The following TENM2 variants were observed in gnomAD, a reference collection of about 807,000 sequenced individuals.
TENM2 encodes the protein teneurin transmembrane protein 2.
Under a neutral mutation model 245.2 loss-of-function variants are expected in TENM2, and 52 were observed. The ratio of observed to expected loss-of-function variants is 0.21; its 90% CI spans 0.17 to 0.27. The LOEUF is 0.27. TENM2 is among the 10% of genes least tolerant of loss of function. The probability of loss-of-function intolerance (pLI) is 1.00; values close to 1 mark genes in which losing one functional copy is unlikely to be tolerated. For missense variants in TENM2, 3,046 were observed against 3,666.8 expected (o/e 0.83, Z 4.37); for synonymous variants, 1,363 against 1,438.9 (o/e 0.95, Z 1.19).
At chr5:167,034,791 C>A in the TENM2 span, among the ~76,000 whole-genome samples, 1 of 151,964 alleles carries the variant, frequency 6.6e-6, no homozygotes, top group Non-Finnish European at 1.5e-5. Context: ...GGTGGGTTAC[C>A]CTACTTCACT....
chr5:167,994,537 T>C (rs960935194), intron 5 of TENM2, among the ~76,000 whole-genome samples: 8 of 152,224 alleles, frequency 5.3e-5, no homozygotes, highest in African/African-American at 1.9e-4. Context: ...CAGACCAATA[T>C]GAGCCAACAA....
chr5:167,010,584 G>A, the TENM2 span, among the ~76,000 whole-genome samples: 1 of 152,164 alleles, frequency 6.6e-6, no homozygotes, highest in Non-Finnish European at 1.5e-5. Flanking sequence ...ATCCTACTTG[G>A]AGAACTAATA....
chr5:167,630,318 C>A (rs906525214), intron 2 of TENM2, among the ~76,000 whole-genome samples: 8 of 152,094 alleles, frequency 5.3e-5, no homozygotes, highest in Non-Finnish European at 1.2e-4. Context: ...GATCTGGTAA[C>A]TGAGATGGCT....
chr5:167,413,830 G>A (rs566678404), intron 2 of TENM2, among the ~76,000 whole-genome samples: 2 of 152,150 alleles, frequency 1.3e-5, no homozygotes, highest in East Asian at 1.9e-4. Context: ...TCTCTGTAGC[G>A]GATGACTTAA....
intron 25 of TENM2, among the ~76,000 whole-genome samples, chr5:168,238,418 G>T (rs902849596): frequency 1.3e-5 from 2 of 152,066 alleles, no homozygotes; most frequent in Non-Finnish European, 2.9e-5. Context: ...TTTAAACGTC[G>T]CCAGACAGGG....
intron 2 of TENM2, among the ~76,000 whole-genome samples, chr5:167,796,017 A>G (rs1473015725): frequency 6.6e-6 from 1 of 152,202 alleles, no homozygotes; most frequent in Admixed American, 6.5e-5. Flanking sequence ...AAGCAAAGGG[A>G]AAAGAAGTAG....
chr5:167,348,556 A>G (rs776508885), intron 1 of TENM2, among the ~76,000 whole-genome samples: 2 of 152,184 alleles, frequency 1.3e-5, no homozygotes, highest in Non-Finnish European at 2.9e-5. Context: ...ACATGATCCC[A>G]GTGTAGCCCG....
At chr5:167,887,491 G>C (rs1176114499) in intron 3 of TENM2, among the ~76,000 whole-genome samples, 1 of 152,228 alleles carries the variant, frequency 6.6e-6, no homozygotes, top group African/African-American at 2.4e-5. Flanking sequence ...GACCATCTGT[G>C]ATTGTGGATG....
the TENM2 span, among the ~76,000 whole-genome samples, chr5:167,254,703 C>T: frequency 6.6e-6 from 1 of 152,070 alleles, no homozygotes; most frequent in African/African-American, 2.4e-5. Flanking sequence ...AAAATGATAT[C>T]TGCCAGGAAG....
At chr5:167,056,714 A>AT in the TENM2 span, among the ~76,000 whole-genome samples, 1 of 148,070 alleles carries the variant, frequency 6.8e-6, no homozygotes, top group Non-Finnish European at 1.5e-5. Context: ...TTGACCTTTG[A>AT]TTTTCTGAAG....
At chr5:167,076,026 T>G in the TENM2 span, among the ~76,000 whole-genome samples, 1 of 152,206 alleles carries the variant, frequency 6.6e-6, no homozygotes, top group Non-Finnish European at 1.5e-5. Context: ...TCATGTAAGC[T>G]TATGCCCGAA....
At chr5:167,141,040 C>T in the TENM2 span, among the ~76,000 whole-genome samples, 1 of 152,176 alleles carries the variant, frequency 6.6e-6, no homozygotes, top group South Asian at 2.1e-4. Flanking sequence ...GCCTTCTGCC[C>T]CTGTCAGTTT....
chr5:167,030,816 C>A, the TENM2 span, among the ~76,000 whole-genome samples: 1 of 152,194 alleles, frequency 6.6e-6, no homozygotes, highest in Non-Finnish European at 1.5e-5. Context: ...GTAATTACTG[C>A]TGATGCCTGC....
chr5:167,781,097 G>A (rs1341586442), intron 2 of TENM2, among the ~76,000 whole-genome samples: 1 of 152,130 alleles, frequency 6.6e-6, no homozygotes, highest in Non-Finnish European at 1.5e-5. Flanking sequence ...GATCATTTAA[G>A]CTCAGGAGTT....
intron 2 of TENM2, among the ~76,000 whole-genome samples, chr5:167,516,101 G>A (rs189503108): frequency 9.9e-5 from 15 of 152,038 alleles, no homozygotes; most frequent in African/African-American, 3.4e-4. Flanking sequence ...AAACTGTTGC[G>A]TATATAATAT....
intron 2 of TENM2, among the ~76,000 whole-genome samples, chr5:167,584,054 C>T (rs1207837284): frequency 6.6e-6 from 1 of 152,212 alleles, no homozygotes. Context: ...ACAGTGTCCT[C>T]ACTATATATA....
At chr5:167,332,204 C>T (rs1443944559) in intron 1 of TENM2, among the ~76,000 whole-genome samples, 1 of 152,198 alleles carries the variant, frequency 6.6e-6, no homozygotes, top group Non-Finnish European at 1.5e-5. Flanking sequence ...TTGGGGCATT[C>T]ACTTTCGTGG....
chr5:167,285,034 A>T (rs1263029773), exon 1 of TENM2: 1 of 1,552,042 alleles, frequency 6.4e-7, no homozygotes, highest in Non-Finnish European at 8.7e-7. Flanking sequence ...GACCTCATCC[A>T]CCGGGAGTCA....
At chr5:167,473,108 G>A (rs549685508) in intron 2 of TENM2, among the ~76,000 whole-genome samples, 6 of 152,144 alleles carry the variant, frequency 3.9e-5, no homozygotes, top group Non-Finnish European at 8.8e-5. Context: ...TCCCAGCTCT[G>A]TGTAGTGCTT....
Sources: gnomAD v4.1 joint callset for allele counts (sites outside exome capture counted in the v4.1 genomes callset) on GRCh38, gnomAD v4.1.1 for gene constraint, MANE v1.5 for transcripts, NCBI Gene and HGNC (gene_info 2026-07-23, HGNC 2026-07-21) for gene names.